ATP8A2: variants seen among roughly 807,000 people sequenced by gnomAD.
ATP8A2 encodes the protein phospholipid-transporting ATPase IB.
In ATP8A2, 100 loss-of-function variants were observed where a neutral mutation model predicts 165.6. The ratio of observed to expected loss-of-function variants is 0.60; its 90% CI spans 0.51 to 0.71. ATP8A2 has a LOEUF of 0.71. ATP8A2 is among the 30% of genes least tolerant of loss of function. The probability of loss-of-function intolerance (pLI) is 0.00; values close to 1 mark genes in which losing one functional copy is unlikely to be tolerated. For synonymous variants in ATP8A2, 543 were observed against 548.8 expected (o/e 0.99, Z 0.15); for missense variants, 1,227 against 1,479.5 (o/e 0.83, Z 2.80).
At chr13:25,732,204 G>A (rs1291909916) in intron 25 of ATP8A2, among the ~76,000 whole-genome samples, 3 of 152,230 alleles carry the variant, frequency 2.0e-5, no homozygotes, top group Non-Finnish European at 4.4e-5. Flanking sequence ...TTTGGAAGTT[G>A]GAGGCACGTA....
At chr13:25,394,286 C>G (rs898583860) in intron 1 of ATP8A2, among the ~76,000 whole-genome samples, 4 of 152,160 alleles carry the variant, frequency 2.6e-5, no homozygotes, top group African/African-American at 9.7e-5. Flanking sequence ...TCATTACTGG[C>G]TAGCAGTGAT....
At chr13:25,770,665 G>A (rs371298824) in intron 26 of ATP8A2, among the ~76,000 whole-genome samples, 3 of 152,256 alleles carry the variant, frequency 2.0e-5, no homozygotes, top group Non-Finnish European at 2.9e-5. Context: ...TCCCTTGGGC[G>A]GTTACATATC....
intron 33 of ATP8A2, among the ~76,000 whole-genome samples, chr13:25,898,415 G>A (rs976177233): frequency 6.6e-6 from 1 of 152,206 alleles, no homozygotes; most frequent in African/African-American, 2.4e-5. Context: ...ACCCAGCCGT[G>A]TGAGGTGTCA....
At chr13:25,782,771 A>C (rs1355043665) in intron 27 of ATP8A2, among the ~76,000 whole-genome samples, 1 of 151,880 alleles carries the variant, frequency 6.6e-6, no homozygotes, top group Non-Finnish European at 1.5e-5. Context: ...ACGGAGTTTC[A>C]CTCTTGTTGC....
chr13:25,533,752 A>C (rs2038190377), intron 6 of ATP8A2, among the ~76,000 whole-genome samples: 1 of 152,200 alleles, frequency 6.6e-6, no homozygotes, highest in Non-Finnish European at 1.5e-5. Context: ...GCTGCTCTTA[A>C]TAATAGCAAG....
At chr13:25,499,828 C>T (rs1157752767) in intron 2 of ATP8A2, among the ~76,000 whole-genome samples, 1 of 152,050 alleles carries the variant, frequency 6.6e-6, no homozygotes, top group Non-Finnish European at 1.5e-5. Context: ...AAACAGGAGA[C>T]ATAAGGAAAA....
chr13:25,685,434 G>A (rs2042580899), intron 24 of ATP8A2, among the ~76,000 whole-genome samples: 1 of 152,198 alleles, frequency 6.6e-6, no homozygotes, highest in African/African-American at 2.4e-5. Flanking sequence ...CCTGGCCCCT[G>A]CAGCTGATTC....
At chr13:25,465,692 TTTCTTTCTTTC>T (rs1566153108) in intron 1 of ATP8A2, among the ~76,000 whole-genome samples, 2 of 18,406 alleles carry the variant, frequency 1.1e-4, no homozygotes, top group Non-Finnish European at 2.8e-4. Flanking sequence ...TCTTTCTTTC[TTTCTTTCTTTC>T]TTTCTTTCTT....
chr13:25,569,728 T>A (rs1165052768), intron 16 of ATP8A2, among the ~76,000 whole-genome samples: 1 of 152,162 alleles, frequency 6.6e-6, no homozygotes, highest in African/African-American at 2.4e-5. Context: ...AGAGAACTAG[T>A]AGGAGCTCAG....
At chr13:25,863,579 C>G (rs2138772083) in intron 33 of ATP8A2, 1 of 152,364 alleles carries the variant, frequency 6.6e-6, no homozygotes, top group Admixed American at 6.5e-5. Flanking sequence ...AGGGCCAGGC[C>G]TGTTCATGGC....
chr13:25,713,320 T>C (rs947563341), intron 25 of ATP8A2, among the ~76,000 whole-genome samples: 1 of 152,228 alleles, frequency 6.6e-6, no homozygotes, highest in South Asian at 2.1e-4. Flanking sequence ...AGGCAAGTTT[T>C]ATTGATTTAG....
At chr13:25,624,901 G>A (rs1379055528) in intron 24 of ATP8A2, among the ~76,000 whole-genome samples, 1 of 152,104 alleles carries the variant, frequency 6.6e-6, no homozygotes, top group Non-Finnish European at 1.5e-5. Context: ...GATGTGTGTT[G>A]CTTCTGATAT....
intron 33 of ATP8A2, among the ~76,000 whole-genome samples, chr13:25,956,376 A>G (rs970672680): frequency 1.3e-5 from 2 of 152,298 alleles, no homozygotes; most frequent in South Asian, 4.1e-4. Context: ...AAACCCCATC[A>G]TCTCAGCCCA....
At chr13:26,009,521 G>T (rs1005138805) in intron 35 of ATP8A2, among the ~76,000 whole-genome samples, 1 of 152,334 alleles carries the variant, frequency 6.6e-6, no homozygotes, top group Admixed American at 6.5e-5. Context: ...CAGACCTGGG[G>T]TGTGCACATT....
rs149562458 is a variant in ATP8A2 at position 25,781,078 on chromosome 13, G to A, written c.2679+6119G>A. Among the ~76,000 whole-genome samples, 43 of 152,234 alleles carry A rather than the reference G, an allele frequency of 2.8e-4. No individual in the cohort carries two copies. The East Asian group carries it at 7.5e-3, about 27-fold the overall frequency. On this transcript the variant is annotated intron_variant, in intron 27 of 36. Coordinates refer to ENST00000381655, the MANE Select transcript of ATP8A2 (RefSeq NM_016529.6). ...AGATCGAGACCATCCTGGCTAACAT[G>A]GTGAAACCCCGTCTCTACTAAAAAA...
intron 1 of ATP8A2, among the ~76,000 whole-genome samples, chr13:25,376,885 C>A (rs9507508): frequency 0.3 from 45,241 of 152,134 alleles, 7,146 homozygotes; most frequent in Non-Finnish European, 0.34. Flanking sequence ...GAAATAAGCG[C>A]TTACTCACCA....
chr13:25,842,482 G>C (rs1354128736), intron 30 of ATP8A2, among the ~76,000 whole-genome samples: 1 of 152,086 alleles, frequency 6.6e-6, no homozygotes, highest in East Asian at 1.9e-4. Context: ...GACCAGCCTG[G>C]CCAACATGGT....
intron 24 of ATP8A2, among the ~76,000 whole-genome samples, chr13:25,595,260 C>T (rs1050806357): frequency 1.3e-5 from 2 of 152,084 alleles, no homozygotes; most frequent in African/African-American, 2.4e-5. Flanking sequence ...GATGTGTTTG[C>T]TCAGAGCAAA....
At chr13:25,650,953 T>C (rs9511857) in intron 24 of ATP8A2, among the ~76,000 whole-genome samples, 38,588 of 151,890 alleles carry the variant, frequency 0.25, 5,174 homozygotes, top group South Asian at 0.47. Context: ...TGTTCATTTT[T>C]CTGCATTGTC....
Sources: gnomAD v4.1 joint callset for allele counts (sites outside exome capture counted in the v4.1 genomes callset) on GRCh38, gnomAD v4.1.1 for gene constraint, MANE v1.5 for transcripts, NCBI Gene and HGNC (gene_info 2026-07-23, HGNC 2026-07-21) for gene names.